COL5A2: variants seen among roughly 807,000 people sequenced by gnomAD.
COL5A2 encodes collagen type V alpha 2 chain.
Under a neutral mutation model 208.2 loss-of-function variants are expected in COL5A2, and 23 were observed. The observed-to-expected ratio is 0.11, with a 90% CI of 0.08 to 0.16. The LOEUF (loss-of-function observed/expected upper bound fraction) is 0.16. Ranked by LOEUF, COL5A2 falls within the 10% of genes least tolerant of loss-of-function variation. The pLI, the probability that COL5A2 is intolerant of heterozygous loss-of-function variation, is 1.00. For synonymous variants in COL5A2, 625 were observed against 628.5 expected (o/e 0.99, Z 0.08); for missense variants, 1,590 against 1,956.4 (o/e 0.81, Z 3.53).
At chr2:189,317,424 T>C in the COL5A2 span, among the ~76,000 whole-genome samples, 1 of 152,176 alleles carries the variant, frequency 6.6e-6, no homozygotes, top group African/African-American at 2.4e-5. Context: ...ACTTCTATAA[T>C]TCTTCCTATA....
At chr2:189,260,365 G>A in the COL5A2 span, among the ~76,000 whole-genome samples, 1 of 152,196 alleles carries the variant, frequency 6.6e-6, no homozygotes, top group South Asian at 2.1e-4. Flanking sequence ...GAGTATTTGG[G>A]TAGCCCAGTG....
chr2:189,307,852 G>A, the COL5A2 span, among the ~76,000 whole-genome samples: 1 of 152,150 alleles, frequency 6.6e-6, no homozygotes, highest in Admixed American at 6.5e-5. Flanking sequence ...CCTTGTAGCA[G>A]GGCACATCTG....
At chr2:189,341,510 T>C in the COL5A2 span, among the ~76,000 whole-genome samples, 1 of 152,136 alleles carries the variant, frequency 6.6e-6, no homozygotes, top group Non-Finnish European at 1.5e-5. Flanking sequence ...GGAAATTCAG[T>C]ATGAAGATAA....
chr2:189,121,520 C>A (rs1038612360), intron 1 of COL5A2, among the ~76,000 whole-genome samples: 2 of 151,952 alleles, frequency 1.3e-5, no homozygotes, highest in Non-Finnish European at 2.9e-5. Context: ...GGGGCTCTTG[C>A]GGTGGTGCGG....
chr2:189,073,001 T>C (rs1686311164), intron 17 of COL5A2, among the ~76,000 whole-genome samples: 1 of 152,140 alleles, frequency 6.6e-6, no homozygotes, highest in South Asian at 2.1e-4. Context: ...TAGAAGCCCT[T>C]TCAAAATGTA....
At chr2:189,317,637 A>C in the COL5A2 span, among the ~76,000 whole-genome samples, 1 of 152,190 alleles carries the variant, frequency 6.6e-6, no homozygotes, top group Non-Finnish European at 1.5e-5. Context: ...TGACAGTTTT[A>C]TTACTTAGAA....
At chr2:189,395,231 T>C in the COL5A2 span, among the ~76,000 whole-genome samples, 3 of 152,226 alleles carry the variant, frequency 2.0e-5, no homozygotes, top group Non-Finnish European at 4.4e-5. Flanking sequence ...TAAAGATTTC[T>C]TCATCCCTTT....
the COL5A2 span, among the ~76,000 whole-genome samples, chr2:189,245,138 G>C: frequency 5.9e-5 from 9 of 152,162 alleles, no homozygotes; most frequent in East Asian, 1.7e-3. Context: ...ATCTGGATGG[G>C]GACACAGCCA....
the COL5A2 span, among the ~76,000 whole-genome samples, chr2:189,390,851 CA>C: frequency 1.3e-5 from 2 of 152,134 alleles, no homozygotes; most frequent in Non-Finnish European, 2.9e-5. Context: ...GCAAATTGAG[CA>C]ATTTATAACA....
chr2:189,161,770 T>G (rs544675197), intron 1 of COL5A2, among the ~76,000 whole-genome samples: 3 of 152,288 alleles, frequency 2.0e-5, no homozygotes, highest in East Asian at 3.9e-4. Flanking sequence ...GCATATGATA[T>G]AACTAAAAAA....
chr2:189,272,336 A>G, the COL5A2 span, among the ~76,000 whole-genome samples: 3 of 152,184 alleles, frequency 2.0e-5, no homozygotes, highest in African/African-American at 7.2e-5. Context: ...CAGCCATAAA[A>G]AAGGATGAGT....
At chr2:189,204,670 G>T (rs1429497458) in intron 1 of COL5A2, among the ~76,000 whole-genome samples, 1 of 152,092 alleles carries the variant, frequency 6.6e-6, no homozygotes, top group Non-Finnish European at 1.5e-5. Flanking sequence ...TAAAAATATG[G>T]GGACTTAATC....
At chr2:189,088,880 C>T in intron 7 of COL5A2, 108 bp from the exon 8 acceptor site, 1 of 896,982 alleles carries the variant, frequency 1.1e-6, no homozygotes. Context: ...AATGACTCTT[C>T]TGAGAATCAT....
At chr2:189,438,686 G>A in the COL5A2 span, among the ~76,000 whole-genome samples, 48 of 152,292 alleles carry the variant, frequency 3.2e-4, no homozygotes, top group African/African-American at 1.2e-3. Flanking sequence ...AGGGGAAGGA[G>A]AAATACTGGG....
the COL5A2 span, among the ~76,000 whole-genome samples, chr2:189,361,259 C>T: frequency 1.3e-5 from 2 of 152,050 alleles, no homozygotes; most frequent in Non-Finnish European, 2.9e-5. Context: ...TTTAGGTCTA[C>T]TAATATTTGT....
intron 1 of COL5A2, among the ~76,000 whole-genome samples, chr2:189,122,456 T>C (rs1687523593): frequency 6.6e-6 from 1 of 152,082 alleles, no homozygotes; most frequent in Non-Finnish European, 1.5e-5. Context: ...GATGGTTTAA[T>C]TTATCAAAAA....
chr2:189,353,008 G>A, the COL5A2 span, among the ~76,000 whole-genome samples: 1 of 152,132 alleles, frequency 6.6e-6, no homozygotes, highest in African/African-American at 2.4e-5. Context: ...CTGGCATATG[G>A]CTAGCCAGTT....
chr2:189,048,696 T>C lies in COL5A2; in HGVS notation c.3148-434A>G, dbSNP rs150757954. ...ATAGTCTTCCTTTTCTATTTTATTG[T>C]GATTTTTTTCATAAATATGTCTTTG... On this transcript the variant is annotated intron_variant, in intron 44 of 53. Transcript: ENST00000374866. Among the ~76,000 whole-genome samples, 315 of 152,338 alleles carry C rather than the reference T, an allele frequency of 2.1e-3. 6 individuals carry two copies. The East Asian group carries it at 0.045, about 22-fold the overall frequency.
At chr2:189,344,433 T>A in the COL5A2 span, among the ~76,000 whole-genome samples, 1 of 152,048 alleles carries the variant, frequency 6.6e-6, no homozygotes, top group Admixed American at 6.6e-5. Flanking sequence ...CCATCCCACT[T>A]TCCTGTTCAA....
Sources: gnomAD v4.1 joint callset for allele counts (sites outside exome capture counted in the v4.1 genomes callset) on GRCh38, gnomAD v4.1.1 for gene constraint, MANE v1.5 for transcripts, NCBI Gene and HGNC (gene_info 2026-07-23, HGNC 2026-07-21) for gene names.